Variants in CLUAP1 observed in about 807,000 individuals in gnomAD.
The protein encoded by CLUAP1 is clusterin-associated protein 1.
Under a neutral mutation model 55.0 loss-of-function variants are expected in CLUAP1, and 50 were observed. That is an observed-to-expected ratio of 0.91 (90% CI 0.72 to 1.15). The LOEUF is 1.15. Among genes scored for constraint, CLUAP1 ranks in the 50% most tolerant of loss-of-function variants. CLUAP1 has a pLI of 0.00. For missense variants in CLUAP1, 530 were observed against 507.6 expected, an observed-to-expected ratio of 1.04 and a Z score of -0.42; for synonymous variants, 195 against 175.4, an observed-to-expected ratio of 1.11 and a Z score of -0.88.
At chr16:3,504,649 GAC>G in intron 1 of CLUAP1, 69 bp from the exon 2 acceptor site, 1 of 882,274 alleles carries the variant, frequency 1.1e-6, no homozygotes, top group Non-Finnish European at 1.9e-6. Flanking sequence ...GAAAAGTAAA[GAC>G]AATATCTAAG....
the CLUAP1 span, chr16:3,495,614 A>C: frequency 7.5e-6 from 9 of 1,207,192 alleles, no homozygotes; most frequent in Non-Finnish European, 8.9e-6. Context: ...GGGTGAAAGA[A>C]AGGCATGGGA....
At chr16:3,532,672 C>G (rs1315079729) in intron 10 of CLUAP1, 114 bp from the exon 11 acceptor site, 6 of 1,076,060 alleles carry the variant, frequency 5.6e-6, no homozygotes, top group Non-Finnish European at 8.3e-6. Context: ...CTCCCAAATT[C>G]CTGGGATTAT....
At chr16:3,498,761 G>A (rs1182777774), upstream of CLUAP1, among the ~76,000 whole-genome samples, 2 of 152,136 alleles carry the variant, frequency 1.3e-5, no homozygotes, top group African/African-American at 2.4e-5. Context: ...TTGGGAGGCC[G>A]AGGCAGGAGA....
At position 3,530,674 on chromosome 16, in the gene CLUAP1, A is replaced by C; in HGVS notation, c.1035A>C (p.Gln345His). Residue 345 changes from glutamine to histidine, a missense_variant and splice_region_variant, in exon 10 of 12, where the codon CAA becomes CAC. Physicochemically the swap from Gln to His is conservative, Grantham distance 24. Coordinates refer to ENST00000576634, the MANE Select transcript of CLUAP1 (RefSeq NM_015041.3). ...AGACAGCCATGGAGATGCTCATGCA[A>C]GGTACCCCGGCGTCTTTCGCTGGAC... ...KPQTAMEMLM[Q>H]GRPGKRIVGT... The C allele has an allele frequency of 6.2e-7, 1 of 1,613,314 alleles. No individual in the cohort carries two copies. Among genetic ancestry groups the C allele is most frequent in the Non-Finnish European group, 8.5e-7 (1 of 1,179,360 alleles).
intron 1 of CLUAP1, among the ~76,000 whole-genome samples, chr16:3,502,259 A>T (rs189514875): frequency 3.6e-3 from 549 of 152,178 alleles, no homozygotes; most frequent in Non-Finnish European, 5.2e-3. Context: ...CCTAGCTAAC[A>T]TGGCGAAACC....
chr16:3,509,334 C>T (rs927140474), intron 4 of CLUAP1, among the ~76,000 whole-genome samples: 6 of 152,158 alleles, frequency 3.9e-5, no homozygotes, highest in Admixed American at 2.6e-4. Context: ...GACCCTCTGG[C>T]GCCTGGGAAG....
the CLUAP1 span, among the ~76,000 whole-genome samples, chr16:3,495,947 T>C: frequency 6.6e-6 from 1 of 152,116 alleles, no homozygotes; most frequent in Non-Finnish European, 1.5e-5. Context: ...GAGACCATCC[T>C]GGCTAACACG....
rs200720255 is a variant in CLUAP1 at position 3,519,920 on chromosome 16, T to C, written c.597T>C (p.Thr199=). ...AAATATAGACACAGGTTCAGAAGACTAAAGACCTGCTCAATAATGTGGCCT... is the reference window on the plus strand; with the variant it reads ...AAATATAGACACAGGTTCAGAAGACCAAAGACCTGCTCAATAATGTGGCCT... ...IKEILTQVQK[T]KDLLNNVASD... Residue 199 remains threonine (T), a synonymous_variant, in exon 7 of 12, where the codon ACT becomes ACC. Coordinates refer to ENST00000576634, the MANE Select transcript of CLUAP1 (RefSeq NM_015041.3). The C allele has an allele frequency of 1.9e-6, 3 of 1,608,466 alleles. No homozygotes were observed. The highest frequency in any genetic ancestry group is 1.7e-6 in the Non-Finnish European group (2 of 1,178,470).
At chr16:3,513,001 G>C (rs1387265028) in intron 5 of CLUAP1, among the ~76,000 whole-genome samples, 2 of 152,148 alleles carry the variant, frequency 1.3e-5, no homozygotes, top group African/African-American at 4.8e-5. Flanking sequence ...TTAACTTCTT[G>C]TTTAGGAGTG....
chr16:3,495,601 G>T, the CLUAP1 span: 1 of 1,342,800 alleles, frequency 7.4e-7, no homozygotes, highest in Non-Finnish European at 9.9e-7. Context: ...CAAGGCAAGG[G>T]CAGGGTGAAA....
intron 11 of CLUAP1, 122 bp downstream of exon 11, chr16:3,532,963 C>T (rs753574224): frequency 2.1e-5 from 29 of 1,365,828 alleles, no homozygotes; most frequent in Non-Finnish European, 2.7e-5. Flanking sequence ...GGCCGTGCCT[C>T]GATGCGTGGC....
At chr16:3,495,601 G>A in the CLUAP1 span, 1 of 1,342,804 alleles carries the variant, frequency 7.4e-7, no homozygotes, top group Non-Finnish European at 9.9e-7. Flanking sequence ...CAAGGCAAGG[G>A]CAGGGTGAAA....
intron 4 of CLUAP1, among the ~76,000 whole-genome samples, chr16:3,511,280 C>T (rs1465248625): frequency 6.6e-6 from 1 of 152,120 alleles, no homozygotes; most frequent in Non-Finnish European, 1.5e-5. Flanking sequence ...GTGAGCAGAG[C>T]AGGGAGACGT....
upstream of CLUAP1, among the ~76,000 whole-genome samples, chr16:3,497,823 A>C (rs1446918798): frequency 1.3e-5 from 2 of 151,912 alleles, no homozygotes; most frequent in African/African-American, 4.8e-5. Context: ...TTAATTTTTA[A>C]TTTTTTAAAT....
In CLUAP1 at chr16:3,529,855, T is replaced by A. The variant is rs993976229; in HGVS notation, c.929-713T>A. Among the ~76,000 whole-genome samples, 33 of 54,880 alleles carry A rather than the reference T, an allele frequency of 6.0e-4. 2 individuals carry two copies. Among genetic ancestry groups the A allele is most frequent in the East Asian group, 2.6e-3 (5 of 1,894 alleles). 36.0% of individuals were successfully genotyped at this position (54,880 alleles called of 152,430 possible). ...ATATAATATATTATATAATATATATTTTATAATATAATTTATAATTTATAA... is the reference window on the plus strand; with the variant it reads ...ATATAATATATTATATAATATATATATTATAATATAATTTATAATTTATAA... On this transcript the variant is annotated intron_variant, in intron 9 of 11. Transcript: ENST00000576634.
chr16:3,525,980 C>G (rs1201762670), intron 8 of CLUAP1, among the ~76,000 whole-genome samples: 1 of 152,152 alleles, frequency 6.6e-6, no homozygotes, highest in Non-Finnish European at 1.5e-5. Context: ...ATCTTTTGAG[C>G]TGGAATCTGA....
At chr16:3,522,255 C>T (rs1403792427) in intron 7 of CLUAP1, among the ~76,000 whole-genome samples, 1 of 151,994 alleles carries the variant, frequency 6.6e-6, no homozygotes, top group Non-Finnish European at 1.5e-5. Flanking sequence ...CCTCCACCTC[C>T]CAGGTTCAAG....
chr16:3,530,677 T>C lies in CLUAP1; in HGVS notation c.1036+2T>C. The C allele has an allele frequency of 6.2e-7, 1 of 1,612,714 alleles. No individual in the cohort carries two copies. The highest frequency in any genetic ancestry group is 8.5e-7 in the Non-Finnish European group (1 of 1,178,902). On this transcript the variant is annotated splice_donor_variant, in intron 10 of 11. Transcript: ENST00000576634. LOFTEE classifies it high-confidence loss of function. ...CAGCCATGGAGATGCTCATGCAAGG[T>C]ACCCCGGCGTCTTTCGCTGGACTTC...
intron 8 of CLUAP1, among the ~76,000 whole-genome samples, chr16:3,526,173 A>G (rs1443790311): frequency 6.6e-6 from 1 of 152,166 alleles, no homozygotes; most frequent in East Asian, 1.9e-4. Flanking sequence ...GGGGTGGGGC[A>G]GCTGCTTCAC....
Sources: allele counts gnomAD v4.1 joint callset (sites outside exome capture counted in the v4.1 genomes callset), GRCh38; gene constraint gnomAD v4.1.1; transcripts MANE v1.5; gene names NCBI Gene and HGNC (gene_info 2026-07-23, HGNC 2026-07-21).